The following GABPA variants were observed in gnomAD, a reference collection of about 807,000 sequenced individuals.
GABPA encodes GA-binding protein alpha chain.
Under a neutral mutation model 59.4 loss-of-function variants are expected in GABPA, and 4 were observed. That is an observed-to-expected ratio of 0.07 (90% confidence interval 0.03 to 0.15). The LOEUF is 0.15. Ranked by LOEUF, GABPA falls within the 10% of genes least tolerant of loss-of-function variation. GABPA has a pLI of 1.00. For missense variants in GABPA, 251 were observed against 543.8 expected (o/e 0.46, Z 5.36); for synonymous variants, 164 against 183.1 (o/e 0.90, Z 0.84).
intron 1 of GABPA, among the ~76,000 whole-genome samples, chr21:25,736,215 G>T (rs2035054948): frequency 6.6e-6 from 1 of 152,206 alleles, no homozygotes; most frequent in Admixed American, 6.5e-5. Flanking sequence ...GTTTGATCAG[G>T]TTAGCGGACC....
chr21:25,757,321 A>G (rs946415399), intron 5 of GABPA, among the ~76,000 whole-genome samples: 15 of 152,162 alleles, frequency 9.9e-5, no homozygotes, highest in Non-Finnish European at 1.9e-4. Flanking sequence ...TATGAATTCA[A>G]TTAGGTAGTA....
At chr21:25,752,556 A>T (rs1424870553) in intron 5 of GABPA, among the ~76,000 whole-genome samples, 1 of 152,196 alleles carries the variant, frequency 6.6e-6, no homozygotes, top group Non-Finnish European at 1.5e-5. Flanking sequence ...ACTCTTGTAG[A>T]AGTATGCTAT....
chr21:25,737,482 T>C (rs1001951900), intron 1 of GABPA, among the ~76,000 whole-genome samples: 1 of 152,168 alleles, frequency 6.6e-6, no homozygotes, highest in Non-Finnish European at 1.5e-5. Context: ...TTTTTTTTTC[T>C]CCAAAAGGGC....
chr21:25,737,522 C>T lies in GABPA; in HGVS notation c.-27+1944C>T, dbSNP rs896356978. Reference sequence around the variant, plus strand: ...GTTTTTGTTTTGTTTTGTTTTTTCTCTATTTGGCACTTTCTAGGGATTGGT... The same window carrying T: ...GTTTTTGTTTTGTTTTGTTTTTTCTTTATTTGGCACTTTCTAGGGATTGGT... On this transcript the variant is annotated intron_variant, in intron 1 of 9. Coordinates refer to ENST00000400075, the MANE Select transcript of GABPA (RefSeq NM_002040.4). Among the ~76,000 whole-genome samples, 3 of 151,250 alleles carry T rather than the reference C, an allele frequency of 2.0e-5. No individual in the cohort carries two copies. The East Asian group carries it at 5.8e-4, about 29-fold the overall frequency.
chr21:25,742,065 A>G (rs1402562032), intron 2 of GABPA, among the ~76,000 whole-genome samples: 1 of 152,260 alleles, frequency 6.6e-6, no homozygotes, highest in African/African-American at 2.4e-5. Context: ...AATAAATAAG[A>G]TACTAATCTG....
intron 5 of GABPA, among the ~76,000 whole-genome samples, chr21:25,753,519 G>T (rs1292243775): frequency 6.6e-6 from 1 of 152,202 alleles, no homozygotes; most frequent in East Asian, 1.9e-4. Context: ...TAACTTATAT[G>T]TATAGTGTCA....
rs1190484062 is a variant in GABPA, at chr21:25,735,192, C to T, written c.-413C>T. 3.3e-6 allele frequency: 2 copies of T among 599,304 alleles called. No individual in the cohort carries two copies. The highest frequency in any genetic ancestry group is 1.9e-5 in the African/African-American group (1 of 53,962). The allele number at this position is 599,304 out of a possible 1,614,324, so 37.1% of individuals were successfully genotyped here. The stretch of plus-strand genomic sequence containing the variant: ...GCATGCGCTCTTTGAGTGGCCTTTC[C>T]CCTAGTTCAAGCTCCCCTCCGAGTC... On this transcript the variant is annotated 5_prime_UTR_variant, in exon 1 of 10. Coordinates refer to ENST00000400075, the MANE Select transcript of GABPA (RefSeq NM_002040.4).
chr21:25,735,895 C>G (rs934958996), intron 1 of GABPA, among the ~76,000 whole-genome samples: 3 of 152,124 alleles, frequency 2.0e-5, no homozygotes, highest in Admixed American at 6.5e-5. Context: ...CCTCCTCGCC[C>G]GTCCGCACTC....
At chr21:25,735,664 C>T (rs2035024448) in intron 1 of GABPA, 86 bp downstream of exon 1, 1 of 151,966 alleles carries the variant, frequency 6.6e-6, no homozygotes, top group Non-Finnish European at 1.5e-5. Flanking sequence ...AAGGGCCCCC[C>T]CGCGGCCGCC....
At chr21:25,745,110 A>G (rs757716220) in intron 2 of GABPA, 100 bp from the exon 3 acceptor site, 75 of 1,315,994 alleles carry the variant, frequency 5.7e-5, no homozygotes, top group Middle Eastern at 2.6e-4. Context: ...TTCAAAGACC[A>G]GAAATGTGTT....
intron 9 of GABPA, among the ~76,000 whole-genome samples, chr21:25,768,164 A>G (rs980780130): frequency 6.6e-6 from 1 of 151,986 alleles, no homozygotes; most frequent in African/African-American, 2.4e-5. Flanking sequence ...TTGCATCTCT[A>G]TAGAATGCAG....
chr21:25,741,643 T>A lies in GABPA; in HGVS notation c.45T>A (p.Asp15Glu). Residue 15 changes from aspartate (D) to glutamate (E), a missense_variant, in exon 2 of 10, where the codon GAT (aspartate) becomes GAA (glutamate). Asp to Glu is a conservative substitution (Grantham distance 45). Around this residue, in one of 4 missense-constraint regions of GABPA, gnomAD observed 207 missense variants for 366.7 expected, o/e 0.56. Coordinates refer to ENST00000400075, the MANE Select transcript of GABPA (RefSeq NM_002040.4). ...AGGAGCTGATAGAAATTGAGATTGA[T>A]GGAACAGAGAAAGCAGAGTGCACAG... is the stretch of plus-strand genomic sequence containing the variant. ...EAEELIEIEI[D>E]GTEKAECTEE... The A allele has an allele frequency of 6.2e-7, 1 of 1,612,938 alleles. No individual in the cohort carries two copies. Among genetic ancestry groups the A allele is most frequent in the Non-Finnish European group, 8.5e-7 (1 of 1,179,394 alleles).
chr21:25,768,069 CTT>C (rs1348826041), intron 9 of GABPA, among the ~76,000 whole-genome samples: 1 of 152,012 alleles, frequency 6.6e-6, no homozygotes, highest in Non-Finnish European at 1.5e-5. Context: ...TGACTTGCCT[CTT>C]TTTCCTGTTG....
In GABPA at chr21:25,771,605, TATAAC is replaced by T. The variant is rs1271612710; in HGVS notation, c.*2376_*2380del. 4 of 152,002 alleles carry T rather than the reference TATAAC, an allele frequency of 2.6e-5. No individual in the cohort carries two copies. Among genetic ancestry groups the T allele is most frequent in the African/African-American group, 7.2e-5 (3 of 41,446 alleles). 9.4% of individuals were successfully genotyped at this position (152,002 alleles called of 1,614,324 possible). Reference sequence around the variant, plus strand: ...AGGTAGTTTTTTTCTTCTATTAAAATATAACATTGTGAAAGAAAATAAAATTTATG... The same window carrying T: ...AGGTAGTTTTTTTCTTCTATTAAAATATTGTGAAAGAAAATAAAATTTATG... On this transcript the variant is annotated 3_prime_UTR_variant, in exon 10 of 10. Coordinates refer to ENST00000400075, the MANE Select transcript of GABPA (RefSeq NM_002040.4).
At chr21:25,758,231 A>G (rs774790322) in intron 6 of GABPA, 27 bp downstream of exon 6, 1 of 1,472,898 alleles carries the variant, frequency 6.8e-7, no homozygotes, top group Admixed American at 2.2e-5. Flanking sequence ...ATTTCTTTAC[A>G]TTGTAATTTA....
In GABPA at chr21:25,735,287, C is replaced by A; in HGVS notation, c.-318C>A. Reference sequence around the variant, plus strand: ...GAAAGTGAGACTGTGTAAAACAAAGCGGATTGGGGCGTTGTGCTTCCTTGT... The same window carrying A: ...GAAAGTGAGACTGTGTAAAACAAAGAGGATTGGGGCGTTGTGCTTCCTTGT... On this transcript the variant is annotated 5_prime_UTR_variant, in exon 1 of 10. Transcript: ENST00000400075. 1 of 380,966 alleles carries A rather than the reference C, an allele frequency of 2.6e-6. No homozygotes were observed. Among genetic ancestry groups the A allele is most frequent in the South Asian group, 3.8e-5 (1 of 26,576 alleles). 23.6% of individuals were successfully genotyped at this position (380,966 alleles called of 1,614,324 possible).
intron 5 of GABPA, among the ~76,000 whole-genome samples, 152 bp from the exon 6 acceptor site, chr21:25,757,849 ATTTTTTTTT>A (rs60518912): frequency 4.6e-5 from 5 of 108,736 alleles, no homozygotes; most frequent in African/African-American, 7.3e-5. Context: ...TTACAGCATA[ATTTTTTTTT>A]TTTTTTTTTT....
chr21:25,758,318 A>AATG, intron 6 of GABPA, 114 bp downstream of exon 6: 1 of 723,052 alleles, frequency 1.4e-6, no homozygotes, highest in Non-Finnish European at 2.2e-6. Flanking sequence ...AGCAATAATA[A>AATG]TTAACATTTA....
At chr21:25,765,032 C>CA (rs1179522698) in intron 9 of GABPA, among the ~76,000 whole-genome samples, 10 of 148,168 alleles carry the variant, frequency 6.7e-5, no homozygotes, top group East Asian at 2.0e-4. Flanking sequence ...TACTCTGTCC[C>CA]AAAAAAAAAT....
Sources: allele counts gnomAD v4.1 joint callset (sites outside exome capture counted in the v4.1 genomes callset), GRCh38; gene constraint gnomAD v4.1.1; regional missense constraint gnomAD v4.1.1; transcripts MANE v1.5; gene names NCBI Gene and HGNC (gene_info 2026-07-23, HGNC 2026-07-21).